The following RFX4 variants were observed in gnomAD, a reference collection of about 807,000 sequenced individuals.
RFX4 encodes regulatory factor X4.
In RFX4, 10 loss-of-function variants were observed where a neutral mutation model predicts 95.0. That is an observed-to-expected ratio of 0.11 (90% CI 0.06 to 0.18). RFX4 has a LOEUF of 0.18. Ranked by LOEUF, RFX4 falls within the 10% of genes least tolerant of loss-of-function variation. RFX4 has a pLI of 1.00. For missense variants in RFX4, 640 were observed against 922.0 expected (o/e 0.69, Z 3.96); for synonymous variants, 321 against 340.7 (o/e 0.94, Z 0.64).
intron 10 of RFX4, among the ~76,000 whole-genome samples, chr12:106,714,017 C>CCAAGAT (rs1555233544): frequency 7.1e-6 from 1 of 141,388 alleles, no homozygotes; most frequent in Non-Finnish European, 1.5e-5. Context: ...TTACAGTGAG[C>CCAAGAT]CAAGATCGCC....
intron 2 of RFX4, among the ~76,000 whole-genome samples, chr12:106,633,084 T>C (rs751351863): frequency 4.6e-5 from 7 of 152,172 alleles, no homozygotes; most frequent in Non-Finnish European, 8.8e-5. Context: ...AGCCATCAAA[T>C]AGGAGGGTCA....
chr12:106,647,743 G>A (rs562295916), intron 3 of RFX4, among the ~76,000 whole-genome samples: 2 of 152,260 alleles, frequency 1.3e-5, no homozygotes, highest in South Asian at 2.1e-4. Context: ...GTAAAATAAT[G>A]CTAATTGTTA....
intron 2 of RFX4, among the ~76,000 whole-genome samples, chr12:106,621,137 C>T (rs941543738): frequency 2.0e-5 from 3 of 152,116 alleles, no homozygotes; most frequent in Non-Finnish European, 2.9e-5. Flanking sequence ...CCTGAGGTGA[C>T]GTACATCCTC....
chr12:106,712,524 A>G (rs534373893), intron 10 of RFX4, among the ~76,000 whole-genome samples: 1 of 152,220 alleles, frequency 6.6e-6, no homozygotes, highest in East Asian at 1.9e-4. Flanking sequence ...TCAAGGTGGT[A>G]GGGAGGGGTT....
intron 11 of RFX4, among the ~76,000 whole-genome samples, chr12:106,718,005 C>T (rs927634762): frequency 3.3e-5 from 5 of 152,200 alleles, no homozygotes; most frequent in African/African-American, 1.2e-4. Flanking sequence ...AGATCTCAGC[C>T]GGCAATGCTC....
At chr12:106,713,067 GC>G (rs959073713) in intron 10 of RFX4, among the ~76,000 whole-genome samples, 11 of 152,158 alleles carry the variant, frequency 7.2e-5, no homozygotes, top group Non-Finnish European at 4.4e-5. Flanking sequence ...ATCAGCAAAT[GC>G]CCCATTTCCA....
chr12:106,737,871 CTG>C (rs1235481994), intron 15 of RFX4, among the ~76,000 whole-genome samples: 2 of 152,144 alleles, frequency 1.3e-5, no homozygotes, highest in East Asian at 3.8e-4. Context: ...GCGCCTCAAA[CTG>C]TATTTTGTTT....
chr12:106,712,968 C>T (rs1262939125), intron 10 of RFX4, among the ~76,000 whole-genome samples: 6 of 152,148 alleles, frequency 3.9e-5, no homozygotes, highest in Non-Finnish European at 8.8e-5. Context: ...AGCGTCCACA[C>T]CCATGCCTAT....
chr12:106,719,712 G>T (rs1373992401), intron 11 of RFX4, among the ~76,000 whole-genome samples: 5 of 152,154 alleles, frequency 3.3e-5, no homozygotes, highest in African/African-American at 9.7e-5. Context: ...AAAAAGCAGG[G>T]CTTGCTGGCG....
At chr12:106,697,155 G>A (rs191034837) in intron 8 of RFX4, among the ~76,000 whole-genome samples, 153 of 152,194 alleles carry the variant, frequency 1.0e-3, no homozygotes, top group Non-Finnish European at 1.0e-3. Flanking sequence ...CAGAGTGGGC[G>A]AGAACCTGTG....
chr12:106,599,471 G>GTGATGA (rs3067521), intron 1 of RFX4, among the ~76,000 whole-genome samples: 1,555 of 150,676 alleles, frequency 0.01, 15 homozygotes, highest in African/African-American at 0.033. Flanking sequence ...AGTCATCGCT[G>GTGATGA]TGATGATGAT....
At chr12:106,745,303 T>G (rs565725746) in intron 15 of RFX4, among the ~76,000 whole-genome samples, 1 of 152,314 alleles carries the variant, frequency 6.6e-6, no homozygotes, top group African/African-American at 2.4e-5. Context: ...CTCAGCACAG[T>G]GCATGGTCTG....
chr12:106,667,303 GTTAGGCTCTGATAATACCCCAGCAGA>G (rs1248498158), intron 4 of RFX4, among the ~76,000 whole-genome samples: 1 of 152,190 alleles, frequency 6.6e-6, no homozygotes, highest in African/African-American at 2.4e-5. Flanking sequence ...TCCCAAGTCA[GTTAGGCTCTGATAATACCCCAGCAGA>G]TTAGGCTCTG....
At chr12:106,732,022 C>T in intron 13 of RFX4, 108 bp from the exon 14 acceptor site, 1 of 1,492,702 alleles carries the variant, frequency 6.7e-7, no homozygotes, top group Non-Finnish European at 9.1e-7. Flanking sequence ...AAATTAGACT[C>T]TTGAGCAGAG....
In RFX4 at chr12:106,761,205, T is replaced by C; in HGVS notation, c.1944T>C (p.Phe648=). ...TCTTTCCCCTCAACAAGTACCCTTT[T>C]AATAGCCCCACTTCCCGGATGGAAC... is the stretch of plus-strand genomic sequence containing the variant. ...PYHRSSAQYP[F]NSPTSRMEPC... is the part of the protein sequence containing the mutation. Residue 648 remains phenylalanine, a synonymous_variant, in exon 18 of 18, where the codon TTT becomes TTC. Coordinates refer to ENST00000392842, the MANE Select transcript of RFX4 (RefSeq NM_213594.3). 2 of 1,611,974 alleles carry C rather than the reference T, an allele frequency of 1.2e-6. No homozygotes were observed. Among genetic ancestry groups the C allele is most frequent in the South Asian group, 1.1e-5 (1 of 91,014 alleles).
intron 4 of RFX4, among the ~76,000 whole-genome samples, chr12:106,667,905 T>G (rs2041209460): frequency 6.6e-6 from 1 of 152,210 alleles, no homozygotes; most frequent in Non-Finnish European, 1.5e-5. Context: ...GGGCCTGTGT[T>G]GTCAATATCG....
At chr12:106,638,207 C>T (rs2040553129) in intron 2 of RFX4, among the ~76,000 whole-genome samples, 1 of 151,988 alleles carries the variant, frequency 6.6e-6, no homozygotes, top group South Asian at 2.1e-4. Context: ...GGGGTTTCAC[C>T]ATGTTAGCCA....
intron 3 of RFX4, among the ~76,000 whole-genome samples, chr12:106,644,693 G>C (rs1330961676): frequency 1.3e-5 from 2 of 152,192 alleles, no homozygotes; most frequent in South Asian, 2.1e-4. Flanking sequence ...AACACTTAAA[G>C]TGTTGATGGG....
intron 17 of RFX4, 81 bp downstream of exon 17, chr12:106,750,874 A>G: frequency 7.8e-7 from 1 of 1,283,044 alleles, no homozygotes. Context: ...ATAAACTGTT[A>G]TGCATACTGT....
Sources: gnomAD v4.1 joint callset for allele counts (sites outside exome capture counted in the v4.1 genomes callset) on GRCh38, gnomAD v4.1.1 for gene constraint, MANE v1.5 for transcripts, NCBI Gene and HGNC (gene_info 2026-07-23, HGNC 2026-07-21) for gene names.